Variants in ST3GAL1 observed in about 807,000 individuals in gnomAD.
ST3GAL1 encodes CMP-N-acetylneuraminate-beta-galactosamide-alpha-2,3-sialyltransferase 1.
ST3GAL1 carries 16 observed loss-of-function variants against 34.1 expected under a neutral mutation model. The observed-to-expected ratio is 0.47, with a 90% CI of 0.32 to 0.71. ST3GAL1 has a LOEUF of 0.71. Ranked by LOEUF, ST3GAL1 falls within the 30% of genes least tolerant of loss-of-function variation. The probability of loss-of-function intolerance (pLI) is 0.04; values close to 1 mark genes in which losing one functional copy is unlikely to be tolerated. For synonymous variants in ST3GAL1, 191 were observed against 184.7 expected (o/e 1.03, Z -0.28); for missense variants, 353 against 447.4 (o/e 0.79, Z 1.90).
intron 3 of ST3GAL1, among the ~76,000 whole-genome samples, chr8:133,483,377 G>A (rs559099514): frequency 1.1e-4 from 16 of 152,182 alleles, no homozygotes; most frequent in Admixed American, 2.0e-4. Flanking sequence ...CACACGAAGC[G>A]TTGCTGTGGG....
chr8:133,569,589 T>A (rs933941384), intron 1 of ST3GAL1, among the ~76,000 whole-genome samples: 1 of 151,906 alleles, frequency 6.6e-6, no homozygotes, highest in Non-Finnish European at 1.5e-5. Context: ...TACCCAGATA[T>A]TGGCAGAGGC....
At chr8:133,521,587 G>A (rs1817811625) in intron 2 of ST3GAL1, among the ~76,000 whole-genome samples, 4 of 152,246 alleles carry the variant, frequency 2.6e-5, no homozygotes, top group African/African-American at 4.8e-5. Flanking sequence ...GTGAAACACC[G>A]CCCCCAGGCC....
intron 3 of ST3GAL1, among the ~76,000 whole-genome samples, chr8:133,487,327 C>T (rs2130969050): frequency 7.4e-6 from 1 of 134,878 alleles, no homozygotes; most frequent in South Asian, 2.7e-4. Context: ...TAGAACAATT[C>T]CTGACCATCA....
chr8:133,568,172 C>T (rs759005967), intron 1 of ST3GAL1, among the ~76,000 whole-genome samples: 33 of 152,164 alleles, frequency 2.2e-4, no homozygotes, highest in Non-Finnish European at 3.7e-4. Context: ...CCACCCACCT[C>T]GGCCTCCCAA....
chr8:133,507,129 T>G lies in ST3GAL1; in HGVS notation c.-428-7940A>C, dbSNP rs140644199. Among the ~76,000 whole-genome samples the G allele has an allele frequency of 7.5e-3, 1,140 of 152,268 alleles. 8 individuals are homozygous for G. The highest frequency in any genetic ancestry group is 0.026 in the African/African-American group (1,073 of 41,552). On this transcript the variant is annotated intron_variant, in intron 2 of 9. Transcript: ENST00000522652. ...CACATAAGAAACGTGTTCTAGACTC[T>G]GGAGTCCAAGTAATTTGGTGTTTGA...
At chr8:133,554,750 C>T (rs748117628) in intron 1 of ST3GAL1, among the ~76,000 whole-genome samples, 44 of 131,206 alleles carry the variant, frequency 3.4e-4, no homozygotes, top group Non-Finnish European at 1.4e-4. Context: ...TTTTTTGAGT[C>T]GGAGTCTTGC....
chr8:133,473,735 ATCT>A (rs1174299990), intron 5 of ST3GAL1, among the ~76,000 whole-genome samples: 2 of 152,160 alleles, frequency 1.3e-5, no homozygotes, highest in Non-Finnish European at 2.9e-5. Flanking sequence ...ATGTCTGGAG[ATCT>A]TCTGGCTATC....
In ST3GAL1 at chr8:133,524,690, G is replaced by A. The variant is rs114019030; in HGVS notation, c.-429+21084C>T. On this transcript the variant is annotated intron_variant, in intron 2 of 9. Transcript: ENST00000522652. ...TTGCTGCGACAGGATGGACAGCTCC[G>A]GGCACTGGCACAGGTGCCAGCTCCA... is the stretch of plus-strand genomic sequence containing the variant. Among the ~76,000 whole-genome samples, 151 of 152,366 alleles carry A rather than the reference G, an allele frequency of 9.9e-4. 1 individual carries two copies. Among genetic ancestry groups the A allele is most frequent in the African/African-American group, 2.3e-3 (96 of 41,592 alleles).
Position 133,467,227 on chromosome 8 carries a change from C to T in ST3GAL1, c.307-1137G>A, listed in dbSNP as rs1203993475. 6.6e-6 allele frequency among the ~76,000 whole-genome samples: 1 copy of T among 152,094 alleles called. No individual in the cohort carries two copies. Among genetic ancestry groups the T allele is most frequent in the East Asian group, 1.9e-4 (1 of 5,198 alleles). On this transcript the variant is annotated intron_variant, in intron 5 of 9. Transcript: ENST00000522652. This position sits in a 1 kb window ranked among gnomAD's most constrained non-coding sequence, Gnocchi z 4.2. ...TTCCCTAGATGCAGGACTCTCAGTGCTAAAACCAGGATGAGTTGGTATCCC... is the reference window on the plus strand; with the variant it reads ...TTCCCTAGATGCAGGACTCTCAGTGTTAAAACCAGGATGAGTTGGTATCCC...
At chr8:133,511,338 CA>C (rs755557607) in intron 2 of ST3GAL1, among the ~76,000 whole-genome samples, 8 of 152,162 alleles carry the variant, frequency 5.3e-5, no homozygotes, top group African/African-American at 1.9e-4. Context: ...ATTGTTCCAG[CA>C]CATCTAATAA....
intron 2 of ST3GAL1, among the ~76,000 whole-genome samples, chr8:133,526,272 C>T (rs1817972623): frequency 6.6e-6 from 1 of 152,182 alleles, no homozygotes; most frequent in Admixed American, 6.5e-5. Flanking sequence ...AGAGCCCCCA[C>T]CCTCTGCTAT....
At chr8:133,538,475 A>T (rs575485197) in intron 2 of ST3GAL1, among the ~76,000 whole-genome samples, 1 of 152,342 alleles carries the variant, frequency 6.6e-6, no homozygotes, top group African/African-American at 2.4e-5. Flanking sequence ...AGATTGCACC[A>T]TTGCTCTCCA....
At chr8:133,547,749 A>C (rs1818710617) in intron 1 of ST3GAL1, among the ~76,000 whole-genome samples, 1 of 152,214 alleles carries the variant, frequency 6.6e-6, no homozygotes, top group Non-Finnish European at 1.5e-5. Context: ...TATACAGAGA[A>C]AGCTGACTGA....
chr8:133,464,859 TTA>T lies in ST3GAL1; in HGVS notation c.600_601del (p.Asp200GlufsTer43), dbSNP rs768996976. On this transcript the variant is annotated frameshift_variant, in exon 7 of 10. Coordinates refer to ENST00000522652, the MANE Select transcript of ST3GAL1 (RefSeq NM_173344.3). LOFTEE classifies it high-confidence loss of function. ...GAAGGGCACCAGGATCATGCTGACA[TTA>T]TCTCCCAGCTCCCGGAAGCTCTCAG... 6.2e-7 allele frequency: 1 copy of T among 1,614,062 alleles called. No homozygotes were observed. Among genetic ancestry groups the T allele is most frequent in the Non-Finnish European group, 8.5e-7 (1 of 1,179,984 alleles).
rs117199764 is a variant in ST3GAL1, at chr8:133,540,591, C to T, written c.-429+5183G>A. Reference sequence around the variant, plus strand: ...CACCTCCCTATTTGCTCTTTCCTGTCCGTCATGTGACTTTGTTCTAGAAAC... The same window carrying T: ...CACCTCCCTATTTGCTCTTTCCTGTTCGTCATGTGACTTTGTTCTAGAAAC... On this transcript the variant is annotated intron_variant, in intron 2 of 9. Coordinates refer to ENST00000522652, the MANE Select transcript of ST3GAL1 (RefSeq NM_173344.3). Among the ~76,000 whole-genome samples the T allele has an allele frequency of 7.5e-3, 1,144 of 151,860 alleles. 6 individuals carry two copies. Among genetic ancestry groups the T allele is most frequent in the Non-Finnish European group, 0.011 (725 of 67,948 alleles).
At position 133,571,128 on chromosome 8, in the gene ST3GAL1, G is replaced by A. The variant is rs762694779; in HGVS notation, c.-582+565C>T. 6.6e-6 allele frequency among the ~76,000 whole-genome samples: 1 copy of A among 152,190 alleles called. No homozygotes were observed. The highest frequency in any genetic ancestry group is 1.5e-5 in the Non-Finnish European group (1 of 68,028). On this transcript the variant is annotated intron_variant, in intron 1 of 9. Transcript: ENST00000522652. The surrounding 1 kb of genome is among the most constrained non-coding windows in gnomAD (Gnocchi z 6.7). Reference sequence around the variant, plus strand: ...CCTCCCGGATCTGCGCCTGCTTGCAGCGGATTGGGGGACTCGATCCGGATA... The same window carrying A: ...CCTCCCGGATCTGCGCCTGCTTGCAACGGATTGGGGGACTCGATCCGGATA...
intron 3 of ST3GAL1, among the ~76,000 whole-genome samples, chr8:133,494,898 C>T (rs930019114): frequency 1.2e-4 from 18 of 146,500 alleles, no homozygotes; most frequent in Non-Finnish European, 4.5e-5. Context: ...TCGGCCTCTG[C>T]GTTTTTCCTC....
chr8:133,546,249 A>G (rs1246261559), intron 1 of ST3GAL1, among the ~76,000 whole-genome samples: 2 of 152,208 alleles, frequency 1.3e-5, no homozygotes, highest in African/African-American at 4.8e-5. Context: ...TTGGGAGACC[A>G]AGGCAGGCAG....
chr8:133,480,130 C>A (rs72718280), intron 3 of ST3GAL1, among the ~76,000 whole-genome samples: 8,403 of 152,248 alleles, frequency 0.055, 326 homozygotes, highest in African/African-American at 0.1. Flanking sequence ...AAGCTGGCTC[C>A]CTGTCCTCTG....
Sources: gnomAD v4.1 joint callset for allele counts (sites outside exome capture counted in the v4.1 genomes callset) on GRCh38, gnomAD v4.1.1 for gene constraint, Gnocchi (gnomAD v3.1) non-coding constraint, MANE v1.5 for transcripts, NCBI Gene and HGNC (gene_info 2026-07-23, HGNC 2026-07-21) for gene names.